The following IFFO2 variants were observed in gnomAD, a reference collection of about 807,000 sequenced individuals.
The protein encoded by IFFO2 is intermediate filament family orphan 2.
A neutral mutation model predicts 53.5 loss-of-function variants in IFFO2; 19 were observed. That is an observed-to-expected ratio of 0.36 (90% CI 0.25 to 0.52). The LOEUF (loss-of-function observed/expected upper bound fraction) is 0.52. Ranked by LOEUF, IFFO2 falls within the 20% of genes least tolerant of loss-of-function variation. The probability of loss-of-function intolerance (pLI) is 0.94; values close to 1 mark genes in which losing one functional copy is unlikely to be tolerated. For synonymous variants in IFFO2, 303 were observed against 313.6 expected (o/e 0.97, Z 0.36); for missense variants, 570 against 727.4 (o/e 0.78, Z 2.49).
rs1935959270 is a variant in IFFO2 at position 18,907,035 on chromosome 1, C to T, written c.*1526G>A. The T allele has an allele frequency of 6.6e-6, 1 of 152,222 alleles. No individual in the cohort carries two copies. Among genetic ancestry groups the T allele is most frequent in the Non-Finnish European group, 1.5e-5 (1 of 68,060 alleles). 9.4% of individuals were successfully genotyped at this position (152,222 alleles called of 1,614,324 possible). A position where few individuals can be genotyped will look rare whatever the true frequency, so the allele number is the denominator to read the frequency against. The stretch of plus-strand genomic sequence containing the variant: ...CTGGGGACCACAATCCCAGTCAAAC[C>T]CAGAGCCCCCTCCTTCTGCCTCCAG... On this transcript the variant is annotated 3_prime_UTR_variant, in exon 9 of 9. Transcript: ENST00000455833.
In IFFO2 at chr1:18,919,026, T is replaced by A. The variant is rs1186410346; in HGVS notation, c.823-524A>T. On this transcript the variant is annotated intron_variant, in intron 3 of 8. Transcript: ENST00000455833. The surrounding 1 kb of genome is among the most constrained non-coding windows in gnomAD (Gnocchi z 4.9). The stretch of plus-strand genomic sequence containing the variant: ...TCTACCAACCACACCCAGCTTCACG[T>A]CCCTCCACACCAGGAGCCATGCCAG... Among the ~76,000 whole-genome samples the A allele has an allele frequency of 1.3e-5, 2 of 151,958 alleles. No homozygotes were observed. Among genetic ancestry groups the A allele is most frequent in the Non-Finnish European group, 2.9e-5 (2 of 67,992 alleles).
chr1:18,955,577 C>T, intron 1 of IFFO2, 91 bp downstream of exon 1: 1 of 1,451,386 alleles, frequency 6.9e-7, no homozygotes, highest in Non-Finnish European at 9.0e-7. Flanking sequence ...GTACCAGCTG[C>T]CCGCCCGGCC....
chr1:18,931,992 A>G (rs1299677876), intron 1 of IFFO2, among the ~76,000 whole-genome samples: 1 of 152,230 alleles, frequency 6.6e-6, no homozygotes, highest in Non-Finnish European at 1.5e-5. Flanking sequence ...CCCAGGGTGC[A>G]GGAAGGCCTC....
rs912223686 is a variant in IFFO2 at position 18,917,196 on chromosome 1, C to T, written c.964-154G>A. The stretch of plus-strand genomic sequence containing the variant: ...AGGTGCAGGTCCTCTAAGAAGCAGG[C>T]GGCGTTAGCAGGAAGCGCGAGGTGG... On this transcript the variant is annotated intron_variant, in intron 4 of 8. Coordinates refer to ENST00000455833, the MANE Select transcript of IFFO2 (RefSeq NM_001136265.2). The surrounding 1 kb of genome is among the most constrained non-coding windows in gnomAD (Gnocchi z 5.9). Among the ~76,000 whole-genome samples the T allele has an allele frequency of 6.6e-6, 1 of 152,134 alleles. No homozygotes were observed. The highest frequency in any genetic ancestry group is 2.4e-5 in the African/African-American group (1 of 41,418).
intron 1 of IFFO2, among the ~76,000 whole-genome samples, chr1:18,949,152 C>T (rs926065673): frequency 9.9e-5 from 15 of 152,194 alleles, no homozygotes; most frequent in Non-Finnish European, 5.9e-5. Flanking sequence ...CTGTGTTGTC[C>T]GTCTTCTGTC....
chr1:18,932,246 G>A (rs772686644), intron 1 of IFFO2, among the ~76,000 whole-genome samples: 7 of 152,230 alleles, frequency 4.6e-5, no homozygotes, highest in East Asian at 1.9e-4. Flanking sequence ...CCGAATAAAC[G>A]GAGGCTCTCG....
chr1:18,949,371 GC>G (rs1174423231), intron 1 of IFFO2, among the ~76,000 whole-genome samples: 2 of 152,262 alleles, frequency 1.3e-5, no homozygotes, highest in African/African-American at 4.8e-5. Context: ...GGTGTGGGGG[GC>G]TGTGATCGGG....
chr1:18,928,396 G>C lies in IFFO2; in HGVS notation c.666-7275C>G, dbSNP rs115601035. Among the ~76,000 whole-genome samples, 2,254 of 152,302 alleles carry C rather than the reference G, an allele frequency of 0.015. 29 individuals are homozygous for C. Among genetic ancestry groups the C allele is most frequent in the East Asian group, 0.05 (258 of 5,182 alleles). The stretch of plus-strand genomic sequence containing the variant: ...CACGGAGGAGGTATTAATTTAATGT[G>C]AACACTTAACCAGGGCAGCCGATTC... On this transcript the variant is annotated intron_variant, in intron 1 of 8. Transcript: ENST00000455833. The surrounding 1 kb of genome is among the most constrained non-coding windows in gnomAD (Gnocchi z 4.9).
In IFFO2 at chr1:18,908,404, A is replaced by T; in HGVS notation, c.*157T>A. On this transcript the variant is annotated 3_prime_UTR_variant, in exon 9 of 9. Transcript: ENST00000455833. Reference sequence around the variant, plus strand: ...CCCGTTGGTGGTGTGGAAGGAAGGAAGGAAGCAGCAGTCCCTCAGGGCCTC... The same window carrying T: ...CCCGTTGGTGGTGTGGAAGGAAGGATGGAAGCAGCAGTCCCTCAGGGCCTC... 1.7e-6 allele frequency: 1 copy of T among 603,560 alleles called. No individual in the cohort carries two copies. The highest frequency in any genetic ancestry group is 4.5e-4 in the Middle Eastern group (1 of 2,214). The allele number at this position is 603,560 out of a possible 1,614,324, so 37.4% of individuals were successfully genotyped here.
intron 1 of IFFO2, among the ~76,000 whole-genome samples, chr1:18,938,412 A>C (rs78691361): frequency 7.2e-5 from 11 of 152,176 alleles, no homozygotes; most frequent in African/African-American, 2.7e-4. Context: ...GAGCTGCACC[A>C]TGCTTCCCCT....
intron 1 of IFFO2, among the ~76,000 whole-genome samples, chr1:18,934,262 G>A (rs1040569709): frequency 3.9e-4 from 59 of 151,530 alleles, no homozygotes; most frequent in African/African-American, 1.1e-3. Context: ...TTGTAGAGAC[G>A]GGGTTTCACC....
chr1:18,943,104 C>T (rs146735932), intron 1 of IFFO2, among the ~76,000 whole-genome samples: 1,597 of 152,238 alleles, frequency 0.01, 35 homozygotes, highest in African/African-American at 0.036. Flanking sequence ...TGGTGGCTCA[C>T]ATCTGTAAGC....
chr1:18,947,151 A>G lies in IFFO2; in HGVS notation c.665+8517T>C, dbSNP rs1028730488. 6.6e-5 allele frequency among the ~76,000 whole-genome samples: 10 copies of G among 152,198 alleles called. No homozygotes were observed. The highest frequency in any genetic ancestry group is 5.2e-4 in the Admixed American group (8 of 15,286). ...ACACCCAGCAGTCTCATCTTCCCCAACAAGAGGCACCAAACGATTGTAACA... is the reference window on the plus strand; with the variant it reads ...ACACCCAGCAGTCTCATCTTCCCCAGCAAGAGGCACCAAACGATTGTAACA... On this transcript the variant is annotated intron_variant, in intron 1 of 8. Coordinates refer to ENST00000455833, the MANE Select transcript of IFFO2 (RefSeq NM_001136265.2). This position sits in a 1 kb window ranked among gnomAD's most constrained non-coding sequence, Gnocchi z 5.0.
Position 18,916,998 on chromosome 1 carries a change from G to A in IFFO2, c.1008C>T (p.Asp336=). 1 of 1,552,284 alleles carries A rather than the reference G, an allele frequency of 6.4e-7. No homozygotes were observed. Among genetic ancestry groups the A allele is most frequent in the Non-Finnish European group, 8.7e-7 (1 of 1,147,104 alleles). Reference sequence around the variant, plus strand: ...TCACCTCCCCGTCCTGCTCAGAGATGTCATCATCGGAAGCCACCTTACGCT... The same window carrying A: ...TCACCTCCCCGTCCTGCTCAGAGATATCATCATCGGAAGCCACCTTACGCT... ...KKERKVASDD[D]ISEQDGEVNR... The change falls in exon 5 of 9, where the codon GAC becomes GAT. Residue 336 remains aspartate, a synonymous_variant. Transcript: ENST00000455833. This position sits in a 1 kb window ranked among gnomAD's most constrained non-coding sequence, Gnocchi z 4.3.
At position 18,908,033 on chromosome 1, in the gene IFFO2, G is replaced by A; in HGVS notation, c.*528C>T. The A allele has an allele frequency of 6.3e-6, 1 of 158,136 alleles. No individual in the cohort carries two copies. The highest frequency in any genetic ancestry group is 1.8e-4 in the East Asian group (1 of 5,518). The allele number at this position is 158,136 out of a possible 1,614,324, so 9.8% of individuals were successfully genotyped here. A position where few individuals can be genotyped will look rare whatever the true frequency, so the allele number is the denominator to read the frequency against. On this transcript the variant is annotated 3_prime_UTR_variant, in exon 9 of 9. Coordinates refer to ENST00000455833, the MANE Select transcript of IFFO2 (RefSeq NM_001136265.2). ...TACCCAGGCCTAGAAAGCTCACAGA[G>A]GCAAGCGGCTCCTTCCTGGGGGTTG... is the stretch of plus-strand genomic sequence containing the variant.
Position 18,947,973 on chromosome 1 carries a change from G to A in IFFO2, c.665+7695C>T, listed in dbSNP as rs986352397. Among the ~76,000 whole-genome samples the A allele has an allele frequency of 1.3e-5, 2 of 152,160 alleles. No homozygotes were observed. The highest frequency in any genetic ancestry group is 6.5e-5 in the Admixed American group (1 of 15,284). ...ACCTCCTGGGAGGAGCACTGACCTT[G>A]GGGTCCAGAGACCCAGACGGACTCG... On this transcript the variant is annotated intron_variant, in intron 1 of 8. Coordinates refer to ENST00000455833, the MANE Select transcript of IFFO2 (RefSeq NM_001136265.2). This position sits in a 1 kb window ranked among gnomAD's most constrained non-coding sequence, Gnocchi z 5.0.
chr1:18,944,128 T>A (rs1412757290), intron 1 of IFFO2, among the ~76,000 whole-genome samples: 1 of 152,198 alleles, frequency 6.6e-6, no homozygotes, highest in Admixed American at 6.5e-5. Context: ...GGGCCTCAGT[T>A]TTCTCATCTA....
chr1:18,931,163 C>A (rs1289404804), intron 1 of IFFO2, among the ~76,000 whole-genome samples: 2 of 152,104 alleles, frequency 1.3e-5, no homozygotes, highest in African/African-American at 4.8e-5. Context: ...CAGAGTGTGA[C>A]CCTGTCTCAA....
intron 5 of IFFO2, among the ~76,000 whole-genome samples, chr1:18,914,443 G>T (rs1162983714): frequency 6.6e-6 from 1 of 152,142 alleles, no homozygotes; most frequent in Non-Finnish European, 1.5e-5. Context: ...GGATCTCCGG[G>T]ACATACAATC....
Sources: allele counts gnomAD v4.1 joint callset (sites outside exome capture counted in the v4.1 genomes callset), GRCh38; gene constraint gnomAD v4.1.1; non-coding constraint Gnocchi (gnomAD v3.1); transcripts MANE v1.5; gene names NCBI Gene and HGNC (gene_info 2026-07-23, HGNC 2026-07-21).